Variants in CENPI observed in about 807,000 individuals in gnomAD.
CENPI encodes FSH primary response 1.
Under a neutral mutation model 60.4 loss-of-function variants are expected in CENPI, and 4 were observed. The ratio of observed to expected loss-of-function variants is 0.07; its 90% CI spans 0.03 to 0.15. The LOEUF is 0.15. Ranked by LOEUF, CENPI falls within the 10% of genes least tolerant of loss-of-function variation. The pLI is 1.00. For synonymous variants in CENPI, 157 were observed against 189.4 expected (o/e 0.83, Z 1.40); for missense variants, 444 against 534.5 (o/e 0.83, Z 1.67).
At chrX:101,114,513 C>G (rs750696896) in intron 6 of CENPI, among the ~76,000 whole-genome samples, 17 of 112,238 alleles carry the variant, frequency 1.5e-4, no homozygotes, top group Non-Finnish European at 3.0e-4. Flanking sequence ...ATCTAATTTT[C>G]TGTCTTTATA....
downstream of CENPI, among the ~76,000 whole-genome samples, chrX:101,170,633 G>GTCTTTTT (rs1354695826): frequency 2.7e-5 from 3 of 111,631 alleles, no homozygotes; most frequent in Non-Finnish European, 3.8e-5. Context: ...TTCCAAAGCA[G>GTCTTTTT]TCTTTTTTCT....
chrX:101,117,648 G>A (rs1007460535), intron 6 of CENPI, among the ~76,000 whole-genome samples: 2 of 111,974 alleles, frequency 1.8e-5, no homozygotes, highest in Non-Finnish European at 3.8e-5. Flanking sequence ...TACACTTAGT[G>A]TGTAGCTCTT....
chrX:101,174,482 A>T, the CENPI span, among the ~76,000 whole-genome samples: 2 of 112,077 alleles, frequency 1.8e-5, no homozygotes, highest in Admixed American at 1.9e-4. Flanking sequence ...AATACTACAT[A>T]GCCATAAAAG....
chrX:101,169,272 T>A (rs2090151330), downstream of CENPI, among the ~76,000 whole-genome samples: 1 of 110,412 alleles, frequency 9.1e-6, no homozygotes, highest in African/African-American at 3.3e-5. Flanking sequence ...CCAAACTTGA[T>A]GAAAAACAAT....
chrX:101,173,816 CA>C, the CENPI span, among the ~76,000 whole-genome samples: 406 of 107,864 alleles, frequency 3.8e-3, 1 homozygote, highest in Non-Finnish European at 6.8e-3. Context: ...ACCTACCAAT[CA>C]AAAAAAAACC....
intron 6 of CENPI, among the ~76,000 whole-genome samples, chrX:101,116,302 GT>G (rs1202744534): frequency 0.018 from 1,870 of 104,944 alleles, 20 homozygotes; most frequent in Non-Finnish European, 0.021. Flanking sequence ...TTTTTGGGGG[GT>G]TTTTTTTTTA....
At chrX:101,101,740 G>A (rs1006335799) in intron 3 of CENPI, among the ~76,000 whole-genome samples, 1 of 111,920 alleles carries the variant, frequency 8.9e-6, no homozygotes, top group African/African-American at 3.2e-5. Context: ...ACAGGTTGTA[G>A]TCTAAGTTCA....
rs1299967901 is a variant in CENPI at position 101,109,699 on chromosome X, A to G, written c.483+108A>G. ...CATTGGCCTTTTGTGCAAAGCCTGTAGTTTTGGAACAATATATCTTGATGC... is the reference window on the plus strand; with the variant it reads ...CATTGGCCTTTTGTGCAAAGCCTGTGGTTTTGGAACAATATATCTTGATGC... On this transcript the variant is annotated intron_variant, in intron 5 of 21. Coordinates refer to ENST00000682095, the MANE Select transcript of CENPI (RefSeq NM_001386188.2). 27 of 618,710 alleles carry G rather than the reference A, an allele frequency of 4.4e-5. No individual in the cohort carries two copies. In the East Asian group the frequency reaches 8.8e-4, roughly 20 times the overall value. 51.0% of individuals were successfully genotyped at this position (618,710 alleles called of 1,213,427 possible).
intron 20 of CENPI, among the ~76,000 whole-genome samples, chrX:101,148,713 TG>T (rs1280825777): frequency 1.8e-5 from 2 of 111,767 alleles, no homozygotes; most frequent in Non-Finnish European, 3.8e-5. Flanking sequence ...GTGTGTGACA[TG>T]GAGAAGAACT....
intron 18 of CENPI, 73 bp from the exon 19 acceptor site, chrX:101,147,690 A>T (rs190404998): frequency 1.5e-4 from 124 of 800,766 alleles, no homozygotes; most frequent in Admixed American, 1.3e-3. Context: ...TGTTTTTTTT[A>T]AATTTTACCA....
the CENPI span, among the ~76,000 whole-genome samples, chrX:101,172,761 A>G: frequency 8.9e-6 from 1 of 111,770 alleles, no homozygotes; most frequent in African/African-American, 3.2e-5. Flanking sequence ...TATGTAACAT[A>G]TCAATGTTTA....
chrX:101,116,123 A>G (rs1188850425), intron 6 of CENPI, among the ~76,000 whole-genome samples: 1 of 111,959 alleles, frequency 8.9e-6, no homozygotes, highest in African/African-American at 3.2e-5. Context: ...ATAAAAAATA[A>G]TACAAATAAA....
At chrX:101,099,382 A>G (rs1331359090) in intron 2 of CENPI, among the ~76,000 whole-genome samples, 1 of 107,105 alleles carries the variant, frequency 9.3e-6, no homozygotes, top group African/African-American at 3.4e-5. Flanking sequence ...GAGCCGAGAT[A>G]GAGATTGCGC....
chrX:101,142,906 C>G (rs1167562103), intron 16 of CENPI, among the ~76,000 whole-genome samples: 2 of 109,431 alleles, frequency 1.8e-5, no homozygotes, highest in African/African-American at 6.7e-5. Context: ...AACCTTGTCT[C>G]TAGTAAAAAT....
intron 8 of CENPI, among the ~76,000 whole-genome samples, chrX:101,121,684 A>G (rs778286978): frequency 3.3e-4 from 37 of 110,860 alleles, no homozygotes; most frequent in African/African-American, 1.1e-3. Flanking sequence ...GAGCAAAGAC[A>G]TGGAGATGTC....
intron 12 of CENPI, among the ~76,000 whole-genome samples, chrX:101,129,222 G>A (rs755303642): frequency 1.8e-5 from 2 of 111,633 alleles, no homozygotes; most frequent in African/African-American, 6.5e-5. Context: ...TTTCTGGTAA[G>A]CGAAATGCTC....
chrX:101,155,466 A>C (rs1389948163), intron 20 of CENPI, among the ~76,000 whole-genome samples: 2 of 111,982 alleles, frequency 1.8e-5, no homozygotes, highest in African/African-American at 6.5e-5. Flanking sequence ...CTGGGATTAC[A>C]GATGTGAGCC....
chrX:101,161,297 A>G (rs1602867332), intron 20 of CENPI, among the ~76,000 whole-genome samples: 2 of 112,212 alleles, frequency 1.8e-5, no homozygotes, highest in African/African-American at 6.5e-5. Flanking sequence ...CCTGTTTTAC[A>G]TAGTTTAAGA....
rs2089535693 is a variant in CENPI at position 101,109,986 on chromosome X, A to G, written c.579A>G (p.Gln193=). The stretch of plus-strand genomic sequence containing the variant: ...ATGGCTTCTTTTTTGCTTCATTGCA[A>G]GATGATGCACTGGTAAGTAAAAATT... ...LLYGFFFASL[Q]DDALCPYVCH... Residue 193 remains glutamine (Q), a synonymous_variant, in exon 6 of 22, where the codon CAA becomes CAG. Coordinates refer to ENST00000682095, the MANE Select transcript of CENPI (RefSeq NM_001386188.2). The G allele has an allele frequency of 8.5e-7, 1 of 1,174,463 alleles. No homozygotes were observed. The highest frequency in any genetic ancestry group is 1.8e-5 in the African/African-American group (1 of 56,631).
Sources: gnomAD v4.1 joint callset for allele counts (sites outside exome capture counted in the v4.1 genomes callset) on GRCh38, gnomAD v4.1.1 for gene constraint, MANE v1.5 for transcripts, NCBI Gene and HGNC (gene_info 2026-07-23, HGNC 2026-07-21) for gene names.